The following PDE6C variants were observed in gnomAD, a reference collection of about 807,000 sequenced individuals.
The protein encoded by PDE6C is phosphodiesterase 6C.
In PDE6C, 75 loss-of-function variants were observed where a neutral mutation model predicts 113.1. That is an observed-to-expected ratio of 0.66 (90% CI 0.55 to 0.80). The LOEUF is 0.80. Among genes scored for constraint, PDE6C ranks in the 30% least tolerant of loss-of-function variants. The probability of loss-of-function intolerance (pLI) is 0.00; values close to 1 mark genes in which losing one functional copy is unlikely to be tolerated. For synonymous variants in PDE6C, 375 were observed against 363.7 expected (o/e 1.03, Z -0.35); for missense variants, 912 against 1,038.6 (o/e 0.88, Z 1.67).
chr10:93,662,440 G>C (rs990240334), intron 19 of PDE6C, 120 bp from the exon 20 acceptor site: 19 of 535,254 alleles, frequency 3.5e-5, no homozygotes, highest in Non-Finnish European at 6.0e-5. Flanking sequence ...CCAGACTGGA[G>C]ACAGAGTGAG....
chr10:93,621,169 C>T (rs1231479042), intron 3 of PDE6C, among the ~76,000 whole-genome samples, 189 bp downstream of exon 3: 1 of 152,114 alleles, frequency 6.6e-6, no homozygotes, highest in Non-Finnish European at 1.5e-5. Flanking sequence ...CCCCTGCACC[C>T]CAAGCTCTCC....
chr10:93,614,812 G>A (rs2058412542), intron 1 of PDE6C, among the ~76,000 whole-genome samples: 1 of 152,130 alleles, frequency 6.6e-6, no homozygotes, highest in East Asian at 1.9e-4. Flanking sequence ...TCATCTGGGA[G>A]TGGGGAGTCT....
At chr10:93,662,200 C>T in intron 19 of PDE6C, 67 bp downstream of exon 19, 1 of 1,003,218 alleles carries the variant, frequency 1.0e-6, no homozygotes. Flanking sequence ...CGCGGTGGCT[C>T]ACACCTGTAA....
chr10:93,626,785 T>C lies in PDE6C; in HGVS notation c.1005-20T>C. 1 of 1,613,666 alleles carries C rather than the reference T, an allele frequency of 6.2e-7. No individual in the cohort carries two copies. Among genetic ancestry groups the C allele is most frequent in the Non-Finnish European group, 8.5e-7 (1 of 1,179,542 alleles). ...GCATTTCTCTATATTGCAATGATTT[T>C]TTTTCTTCTCTTCCCCAAGGACGCC... On this transcript the variant is annotated intron_variant, in intron 6 of 21. Transcript: ENST00000371447.
At chr10:93,646,865 C>A (rs2058586957) in intron 15 of PDE6C, among the ~76,000 whole-genome samples, 2 of 152,162 alleles carry the variant, frequency 1.3e-5, no homozygotes, top group African/African-American at 4.8e-5. Context: ...CAAACTATAT[C>A]ATGGAGGTAG....
intron 7 of PDE6C, among the ~76,000 whole-genome samples, chr10:93,628,764 C>G (rs990282743): frequency 6.6e-6 from 1 of 152,176 alleles, no homozygotes; most frequent in African/African-American, 2.4e-5. Flanking sequence ...GTGAATTCCA[C>G]TAAGTAAAGT....
intron 21 of PDE6C, 32 bp downstream of exon 21, chr10:93,663,210 T>G (rs368094590): frequency 1.1e-5 from 18 of 1,607,398 alleles, no homozygotes; most frequent in Non-Finnish European, 1.4e-5. Flanking sequence ...CTCCCTGTAA[T>G]GTAGCCAGAA....
chr10:93,642,932 C>T (rs937515821), intron 14 of PDE6C, among the ~76,000 whole-genome samples: 2 of 152,208 alleles, frequency 1.3e-5, no homozygotes, highest in Non-Finnish European at 2.9e-5. Flanking sequence ...CCAGCCTACA[C>T]TGGCCGCTCG....
intron 16 of PDE6C, among the ~76,000 whole-genome samples, chr10:93,656,344 G>A (rs1000502986): frequency 2.0e-5 from 3 of 152,082 alleles, no homozygotes; most frequent in Non-Finnish European, 4.4e-5. Context: ...TTACAAAACT[G>A]AGTCATACGT....
intron 11 of PDE6C, 94 bp downstream of exon 11, chr10:93,637,157 T>G: frequency 1.4e-6 from 1 of 718,904 alleles, no homozygotes; most frequent in Non-Finnish European, 2.5e-6. Flanking sequence ...TTCAAGTAAA[T>G]GTTGAGTTTT....
At chr10:93,640,839 C>A in intron 13 of PDE6C, 81 bp from the exon 14 acceptor site, 1 of 923,002 alleles carries the variant, frequency 1.1e-6, no homozygotes, top group Non-Finnish European at 1.7e-6. Context: ...TGGGCCTATT[C>A]TCTATTGCAG....
intron 1 of PDE6C, among the ~76,000 whole-genome samples, chr10:93,615,242 T>G (rs1246144814): frequency 6.6e-6 from 1 of 152,166 alleles, no homozygotes; most frequent in African/African-American, 2.4e-5. Flanking sequence ...CAGTGAGCTG[T>G]GTTCACACAC....
chr10:93,616,258 T>C (rs771390405), intron 1 of PDE6C, among the ~76,000 whole-genome samples: 15 of 152,146 alleles, frequency 9.9e-5, no homozygotes, highest in Non-Finnish European at 2.2e-4. Context: ...ACACACAACT[T>C]TCCTCTGGCT....
At chr10:93,637,304 T>C (rs1272970734) in intron 11 of PDE6C, among the ~76,000 whole-genome samples, 1 of 152,210 alleles carries the variant, frequency 6.6e-6, no homozygotes, top group African/African-American at 2.4e-5. Context: ...TAGCCTAGAC[T>C]ACTGCTTAGG....
At chr10:93,637,799 GTT>G (rs2058541130) in intron 11 of PDE6C, among the ~76,000 whole-genome samples, 1 of 152,188 alleles carries the variant, frequency 6.6e-6, no homozygotes, top group South Asian at 2.1e-4. Context: ...TGATTCTACT[GTT>G]TATTTTTACA....
chr10:93,641,172 T>C lies in PDE6C; in HGVS notation c.1847+143T>C. Reference sequence around the variant, plus strand: ...AATTCCAGGGCTGGATTCTATTCCCTCCCAAGCTTCCGCCTTCACGATAAC... The same window carrying C: ...AATTCCAGGGCTGGATTCTATTCCCCCCCAAGCTTCCGCCTTCACGATAAC... On this transcript the variant is annotated intron_variant, in intron 14 of 21. Coordinates refer to ENST00000371447, the MANE Select transcript of PDE6C (RefSeq NM_006204.4). The C allele has an allele frequency of 6.3e-6, 4 of 631,252 alleles. No homozygotes were observed. The Admixed American group carries it at 1.0e-4, about 17-fold the overall frequency. 39.1% of individuals were successfully genotyped at this position (631,252 alleles called of 1,614,324 possible). A position where few individuals can be genotyped will look rare whatever the true frequency, so the allele number is the denominator to read the frequency against.
chr10:93,658,414 C>A (rs569260557), intron 16 of PDE6C, among the ~76,000 whole-genome samples: 15 of 152,032 alleles, frequency 9.9e-5, no homozygotes, highest in Admixed American at 9.8e-4. Flanking sequence ...GTTGTGATAT[C>A]TTATCATAGT....
intron 5 of PDE6C, 75 bp downstream of exon 5, chr10:93,625,724 G>C: frequency 3.0e-6 from 3 of 991,078 alleles, no homozygotes; most frequent in South Asian, 1.3e-5. Context: ...ACAGTGCATA[G>C]AGCACTGGCC....
intron 7 of PDE6C, among the ~76,000 whole-genome samples, chr10:93,628,057 T>C (rs950287086): frequency 6.6e-6 from 1 of 152,186 alleles, no homozygotes; most frequent in African/African-American, 2.4e-5. Flanking sequence ...TGTTGGCAGC[T>C]TGAAATCTCC....
Sources: allele counts gnomAD v4.1 joint callset (sites outside exome capture counted in the v4.1 genomes callset), GRCh38; gene constraint gnomAD v4.1.1; transcripts MANE v1.5; gene names NCBI Gene and HGNC (gene_info 2026-07-23, HGNC 2026-07-21).